Variants in SNX29 observed in about 807,000 individuals in gnomAD.
The protein encoded by SNX29 is sorting nexin-29.
SNX29 carries 78 observed loss-of-function variants against 102.1 expected under a neutral mutation model. The observed-to-expected ratio is 0.76, with a 90% CI of 0.64 to 0.92. The LOEUF (loss-of-function observed/expected upper bound fraction) is 0.92. SNX29 is among the 40% of genes least tolerant of loss of function. The pLI is 0.00. For synonymous variants in SNX29, 580 were observed against 414.5 expected, an observed-to-expected ratio of 1.40 and a Z score of -4.85; for missense variants, 1,280 against 1,061.7, an observed-to-expected ratio of 1.21 and a Z score of -2.86.
chr16:12,015,283 C>G (rs2056809552), intron 3 of SNX29, among the ~76,000 whole-genome samples: 1 of 151,910 alleles, frequency 6.6e-6, no homozygotes, highest in East Asian at 1.9e-4. Context: ...GTGTCTCACT[C>G]TGTCGCCAGA....
chr16:12,568,425 C>G (rs900869645), intron 20 of SNX29, 81 bp from the exon 21 acceptor site: 9 of 1,570,382 alleles, frequency 5.7e-6, no homozygotes, highest in Non-Finnish European at 5.2e-6. Context: ...CTCCTGCCCT[C>G]ACACCTGGCT....
intron 20 of SNX29, among the ~76,000 whole-genome samples, chr16:12,534,097 G>A (rs150326682): frequency 1.8e-3 from 272 of 152,306 alleles, no homozygotes; most frequent in African/African-American, 6.2e-3. Context: ...TTGACCCCAG[G>A]GGATCGCGAT....
rs972280941 is a variant in SNX29, at chr16:12,572,151, G to A, written c.*3522G>A. ...TGCTTCATACTTTGGAGCTTATTAAGATCAATTTTGATAACCATGTAATTT... is the reference window on the plus strand; with the variant it reads ...TGCTTCATACTTTGGAGCTTATTAAAATCAATTTTGATAACCATGTAATTT... On this transcript the variant is annotated 3_prime_UTR_variant, in exon 21 of 21. Coordinates refer to ENST00000566228, the MANE Select transcript of SNX29 (RefSeq NM_032167.5). 1.0e-6 allele frequency: 1 copy of A among 983,444 alleles called. No individual in the cohort carries two copies. The highest frequency in any genetic ancestry group is 1.2e-6 in the Non-Finnish European group (1 of 805,400). 60.9% of individuals were successfully genotyped at this position (983,444 alleles called of 1,614,324 possible). A position where few individuals can be genotyped will look rare whatever the true frequency, so the allele number is the denominator to read the frequency against.
At chr16:12,019,543 T>C (rs2056953538) in intron 3 of SNX29, among the ~76,000 whole-genome samples, 1 of 151,846 alleles carries the variant, frequency 6.6e-6, no homozygotes, top group Admixed American at 6.6e-5. Context: ...GGCTCTTAAT[T>C]TTTTTACATA....
At chr16:12,395,596 G>A (rs149828406) in intron 16 of SNX29, among the ~76,000 whole-genome samples, 1 of 152,306 alleles carries the variant, frequency 6.6e-6, no homozygotes, top group East Asian at 1.9e-4. Context: ...CAGGGTCAGG[G>A]AGAGGTGAAT....
At chr16:12,513,794 G>T (rs960859543) in intron 19 of SNX29, among the ~76,000 whole-genome samples, 1 of 152,238 alleles carries the variant, frequency 6.6e-6, no homozygotes, top group Non-Finnish European at 1.5e-5. Flanking sequence ...CCAGTCAGCA[G>T]CTGATAAAAG....
At chr16:12,512,143 TC>T (rs2089648753) in intron 19 of SNX29, among the ~76,000 whole-genome samples, 2 of 150,972 alleles carry the variant, frequency 1.3e-5, no homozygotes, top group African/African-American at 2.4e-5. Flanking sequence ...CAACCAGCTG[TC>T]CCCCAGGGGA....
intron 19 of SNX29, among the ~76,000 whole-genome samples, chr16:12,496,206 T>A (rs140164037): frequency 0.022 from 3,398 of 152,320 alleles, 59 homozygotes; most frequent in Non-Finnish European, 0.033. Flanking sequence ...GTGAGCGCCC[T>A]AAAATTGTGC....
At chr16:12,266,795 G>T (rs1245302549) in intron 14 of SNX29, among the ~76,000 whole-genome samples, 1 of 151,146 alleles carries the variant, frequency 6.6e-6, no homozygotes, top group South Asian at 2.1e-4. Context: ...ATGGAGTCTT[G>T]CTCTGCCACC....
chr16:12,349,546 G>A (rs1004389279), intron 15 of SNX29, among the ~76,000 whole-genome samples: 1 of 152,186 alleles, frequency 6.6e-6, no homozygotes, highest in African/African-American at 2.4e-5. Context: ...ATGCTCATTG[G>A]AGCATTTGGA....
chr16:12,516,258 T>A (rs1343603500), intron 19 of SNX29, among the ~76,000 whole-genome samples: 1 of 151,932 alleles, frequency 6.6e-6, no homozygotes, highest in Non-Finnish European at 1.5e-5. Context: ...GGAGGGAGGC[T>A]CGCTTAAGCC....
chr16:12,271,520 G>C (rs769826212), intron 14 of SNX29, among the ~76,000 whole-genome samples: 6 of 152,172 alleles, frequency 3.9e-5, no homozygotes, highest in Non-Finnish European at 8.8e-5. Context: ...TTTATTGGAG[G>C]TAAGTCCAGC....
At chr16:12,114,982 C>T (rs973079422) in intron 11 of SNX29, among the ~76,000 whole-genome samples, 1 of 152,296 alleles carries the variant, frequency 6.6e-6, no homozygotes, top group Admixed American at 6.5e-5. Context: ...TGGTGCCCTG[C>T]TAGCAGTTGC....
intron 19 of SNX29, among the ~76,000 whole-genome samples, chr16:12,509,388 G>C (rs998040461): frequency 6.6e-6 from 1 of 152,196 alleles, no homozygotes; most frequent in Admixed American, 6.5e-5. Context: ...ACGGGGAGCG[G>C]ATCCCAGGGA....
intron 19 of SNX29, among the ~76,000 whole-genome samples, chr16:12,503,497 T>G (rs2089223879): frequency 6.6e-6 from 1 of 151,966 alleles, no homozygotes; most frequent in Non-Finnish European, 1.5e-5. Context: ...ACCAGAACAA[T>G]AAGTGGGGGA....
At chr16:12,064,540 G>A (rs185996034) in intron 9 of SNX29, among the ~76,000 whole-genome samples, 10 of 152,372 alleles carry the variant, frequency 6.6e-5, no homozygotes, top group African/African-American at 1.4e-4. Flanking sequence ...CTGCAGTAAC[G>A]ATGCTGTCAG....
intron 8 of SNX29, among the ~76,000 whole-genome samples, chr16:12,053,468 G>A (rs1166305619): frequency 6.6e-6 from 1 of 151,942 alleles, no homozygotes; most frequent in East Asian, 1.9e-4. Context: ...GCTGAGTTGG[G>A]AGGATTCCTT....
rs540761774 is a variant in SNX29, at chr16:12,225,465, C to A, written c.1678+25782C>A. Among the ~76,000 whole-genome samples, 46 of 152,164 alleles carry A rather than the reference C, an allele frequency of 3.0e-4. 1 individual carries two copies. Among genetic ancestry groups the A allele is most frequent in the Admixed American group, 2.9e-3 (45 of 15,274 alleles). On this transcript the variant is annotated intron_variant, in intron 14 of 20. Transcript: ENST00000566228. ...CTGATGGCTTTAAAAACGGGACTTT[C>A]CCTGCACAAGCTCTCTCTCTTTGAT...
intron 20 of SNX29, among the ~76,000 whole-genome samples, chr16:12,554,455 G>C (rs1008795131): frequency 6.6e-6 from 1 of 152,208 alleles, no homozygotes; most frequent in African/African-American, 2.4e-5. Flanking sequence ...TGCCATGCCA[G>C]GTCCATGGGT....
Sources: allele counts gnomAD v4.1 joint callset (sites outside exome capture counted in the v4.1 genomes callset), GRCh38; gene constraint gnomAD v4.1.1; transcripts MANE v1.5; gene names NCBI Gene and HGNC (gene_info 2026-07-23, HGNC 2026-07-21).